Variants in KIR3DL3 observed in about 807,000 individuals in gnomAD.
The protein encoded by KIR3DL3 is killer cell immunoglobulin like receptor, three Ig domains and long cytoplasmic tail 3.
Under a neutral mutation model 34.9 loss-of-function variants are expected in KIR3DL3, and 27 were observed. The ratio of observed to expected loss-of-function variants is 0.77; its 90% CI spans 0.57 to 1.07. The LOEUF (loss-of-function observed/expected upper bound fraction) is 1.07, where lower values mean the gene tolerates loss of function less well. Among genes scored for constraint, KIR3DL3 ranks in the 50% least tolerant of loss-of-function variants. The pLI is 0.00. For synonymous variants in KIR3DL3, 217 were observed against 200.2 expected (o/e 1.08, Z -0.71); for missense variants, 681 against 528.5 (o/e 1.29, Z -2.83).
intron 5 of KIR3DL3, among the ~76,000 whole-genome samples, chr19:54,730,742 T>C (rs1389879575): frequency 1.3e-5 from 2 of 152,200 alleles, no homozygotes; most frequent in Non-Finnish European, 1.5e-5. Context: ...GTTCCATTCA[T>C]GTGGCTGTAA....
At chr19:54,729,276 A>G (rs2068535253) in intron 4 of KIR3DL3, among the ~76,000 whole-genome samples, 1 of 152,042 alleles carries the variant, frequency 6.6e-6, no homozygotes, top group Non-Finnish European at 1.5e-5. Context: ...GTACAAAAAA[A>G]GAAAACATAG....
At position 54,729,758 on chromosome 19, in the gene KIR3DL3, G is replaced by A. The variant is rs1326584384; in HGVS notation, c.921G>A (p.Pro307=). 50 of 1,591,908 alleles carry A rather than the reference G, an allele frequency of 3.1e-5. No individual in the cohort carries two copies. The highest frequency in any genetic ancestry group is 1.7e-4 in the Middle Eastern group (1 of 6,020). Residue 307 remains proline (P), a synonymous_variant, in exon 5 of 8, where the codon CCG becomes CCA. Transcript: ENST00000291860. ...FRALPHAWSD[P]SDPLPVSVTG... ...CCCTGCCCCATGCGTGGTCAGACCC[G>A]AGTGACCCACTGCCCGTTTCTGTCA...
Position 54,735,275 on chromosome 19 carries a change from T to C in KIR3DL3, c.972T>C (p.Val324=). 6.6e-7 allele frequency: 1 copy of C among 1,520,836 alleles called. No individual in the cohort carries two copies. The highest frequency in any genetic ancestry group is 9.1e-7 in the Non-Finnish European group (1 of 1,104,004). 94.2% of individuals were successfully genotyped at this position (1,520,836 alleles called of 1,614,324 possible). ...CAGGTAACTCCAGAAACCTGCACGT[T>C]CTGATTGGGACCTCAGTGGTCATCA... is the stretch of plus-strand genomic sequence containing the variant. ...SVTGNSRNLH[V]LIGTSVVIIP... is the part of the protein sequence containing the mutation. The change falls in exon 6 of 8, where the codon GTT becomes GTC. Residue 324 remains valine (V), a synonymous_variant. Coordinates refer to ENST00000291860, the MANE Select transcript of KIR3DL3 (RefSeq NM_153443.5).
intron 5 of KIR3DL3, among the ~76,000 whole-genome samples, chr19:54,732,253 G>GTTTTTTTTTTTT (rs1376667820): frequency 2.2e-5 from 2 of 90,902 alleles, no homozygotes; most frequent in African/African-American, 7.4e-5. Context: ...TGTGTTTTTT[G>GTTTTTTTTTTTT]TTTTCTTTTT....
rs1259007856 is a variant in KIR3DL3, at chr19:54,729,837, T to G, written c.949+51T>G. 13 of 1,534,474 alleles carry G rather than the reference T, an allele frequency of 8.5e-6. No individual in the cohort carries two copies. In the African/African-American group the frequency reaches 1.7e-4, roughly 20 times the overall value. Reference sequence around the variant, plus strand: ...TGTCTTGTGATCCTAGAGCCATAGCTGAGGAGCTTCCTGCTGATGATGGAG... The same window carrying G: ...TGTCTTGTGATCCTAGAGCCATAGCGGAGGAGCTTCCTGCTGATGATGGAG... On this transcript the variant is annotated intron_variant, in intron 5 of 7. Transcript: ENST00000291860.
At chr19:54,728,173 C>G (rs62132666) in intron 4 of KIR3DL3, among the ~76,000 whole-genome samples, 1 of 148,150 alleles carries the variant, frequency 6.7e-6, no homozygotes, top group Admixed American at 6.8e-5. Flanking sequence ...GAGAGACAGA[C>G]ATATCCCAGA....
chr19:54,735,930 A>G (rs779175678), intron 7 of KIR3DL3, 41 bp from the exon 8 acceptor site: 13 of 1,607,136 alleles, frequency 8.1e-6, no homozygotes, highest in Admixed American at 1.7e-5. Flanking sequence ...GTCCTGGAAA[A>G]TGTGAGCACC....
chr19:54,727,754 C>T lies in KIR3DL3; in HGVS notation c.499C>T (p.Leu167Phe), dbSNP rs1182163968. Residue 167 changes from leucine (L) to phenylalanine (F), a missense_variant, in exon 4 of 8, where the codon CTC becomes TTC. By Grantham distance (22) the Leu-to-Phe change is conservative. Coordinates refer to ENST00000291860, the MANE Select transcript of KIR3DL3 (RefSeq NM_153443.5). ...REGITEDPLR[L>F]VGQLHDAGSQ... ...GGGGATCACTGAGGACCCCTTGCGC[C>T]TCGTTGGACAGCTCCACGATGCGGG... 2 of 1,612,898 alleles carry T rather than the reference C, an allele frequency of 1.2e-6. No individual in the cohort carries two copies. The highest frequency in any genetic ancestry group is 1.1e-5 in the South Asian group (1 of 91,024).
At chr19:54,729,017 G>C (rs2068504459) in intron 4 of KIR3DL3, among the ~76,000 whole-genome samples, 1 of 147,792 alleles carries the variant, frequency 6.8e-6, no homozygotes, top group Non-Finnish European at 1.5e-5. Context: ...ATAAACACAT[G>C]ATGATAGATG....
intron 5 of KIR3DL3, among the ~76,000 whole-genome samples, chr19:54,732,878 C>A (rs3815427): frequency 0.28 from 42,908 of 151,782 alleles, 6,735 homozygotes; most frequent in East Asian, 0.5. Context: ...ACTCACAGCC[C>A]TTGGATTCAA....
intron 4 of KIR3DL3, among the ~76,000 whole-genome samples, chr19:54,728,173 C>T (rs62132666): frequency 0.75 from 110,697 of 146,776 alleles, 42,026 homozygotes; most frequent in East Asian, 0.99. Context: ...GAGAGACAGA[C>T]ATATCCCAGA....
At chr19:54,735,011 G>T (rs759742528) in intron 5 of KIR3DL3, among the ~76,000 whole-genome samples, 1 of 142,024 alleles carries the variant, frequency 7.0e-6, no homozygotes, top group African/African-American at 2.7e-5. Context: ...CTCCCACTCT[G>T]GGGGTTACAT....
At chr19:54,733,751 C>T (rs918178135) in intron 5 of KIR3DL3, among the ~76,000 whole-genome samples, 3 of 152,148 alleles carry the variant, frequency 2.0e-5, no homozygotes, top group Non-Finnish European at 4.4e-5. Flanking sequence ...GAATAGAGAA[C>T]GTGCTCTGTT....
chr19:54,726,452 G>C lies in KIR3DL3; in HGVS notation c.355+115G>C, dbSNP rs1461921446. On this transcript the variant is annotated intron_variant, in intron 3 of 7. Coordinates refer to ENST00000291860, the MANE Select transcript of KIR3DL3 (RefSeq NM_153443.5). ...AGGCCCCGACTGTATTTGGGGTAAA[G>C]GGGGATTCAGTACAGAGAAATAGTT... is the stretch of plus-strand genomic sequence containing the variant. 2.6e-5 allele frequency: 35 copies of C among 1,337,338 alleles called. No individual in the cohort carries two copies. The South Asian group carries it at 4.0e-4, about 15-fold the overall frequency. The allele number at this position is 1,337,338 out of a possible 1,614,324, so 82.8% of individuals were successfully genotyped here.
chr19:54,725,319 C>A, intron 2 of KIR3DL3, 37 bp downstream of exon 2: 3 of 1,502,626 alleles, frequency 2.0e-6, no homozygotes, highest in Non-Finnish European at 2.7e-6. Flanking sequence ...TGTCATCTCC[C>A]CACATAAGAT....
chr19:54,734,825 C>G (rs1171713380), intron 5 of KIR3DL3, among the ~76,000 whole-genome samples: 2 of 141,050 alleles, frequency 1.4e-5, no homozygotes, highest in African/African-American at 5.3e-5. Flanking sequence ...AGAGATCACA[C>G]GGCAAGAGAG....
intron 5 of KIR3DL3, among the ~76,000 whole-genome samples, chr19:54,731,977 G>A (rs1600208132): frequency 6.6e-6 from 1 of 152,098 alleles, no homozygotes; most frequent in South Asian, 2.1e-4. Context: ...CAACCGTAAT[G>A]CCATCTGCAA....
intron 5 of KIR3DL3, among the ~76,000 whole-genome samples, chr19:54,733,573 G>T (rs1464289101): frequency 6.6e-6 from 1 of 151,872 alleles, no homozygotes; most frequent in Non-Finnish European, 1.5e-5. Flanking sequence ...AATTACAAAG[G>T]CAACTGGATA....
chr19:54,733,982 G>T (rs1189232144), intron 5 of KIR3DL3, among the ~76,000 whole-genome samples: 1 of 152,048 alleles, frequency 6.6e-6, no homozygotes, highest in Non-Finnish European at 1.5e-5. Context: ...GACGGAGAGG[G>T]CGGTCCTTCC....
Sources: allele counts gnomAD v4.1 joint callset (sites outside exome capture counted in the v4.1 genomes callset), GRCh38; gene constraint gnomAD v4.1.1; transcripts MANE v1.5; gene names NCBI Gene and HGNC (gene_info 2026-07-23, HGNC 2026-07-21).